PISD: variants seen among roughly 807,000 people sequenced by gnomAD.
PISD encodes the protein phosphatidylserine decarboxylase proenzyme, mitochondrial.
PISD carries 31 observed loss-of-function variants against 43.5 expected under a neutral mutation model. That is an observed-to-expected ratio of 0.71 (90% CI 0.54 to 0.96). The LOEUF (loss-of-function observed/expected upper bound fraction) is 0.96, where lower values mean the gene tolerates loss of function less well. Among genes scored for constraint, PISD ranks in the 40% least tolerant of loss-of-function variants. The pLI is 0.00. For missense variants in PISD, 523 were observed against 548.4 expected (o/e 0.95, Z 0.46); for synonymous variants, 259 against 228.7 (o/e 1.13, Z -1.20).
intron 3 of PISD, chr22:31,628,777 C>G (rs2073043197): frequency 1.0e-6 from 1 of 967,756 alleles, no homozygotes; most frequent in Non-Finnish European, 1.2e-6. Context: ...CAACCATGGC[C>G]CAGAACAACT....
chr22:31,634,809 T>A, intron 3 of PISD, among the ~76,000 whole-genome samples: 1 of 114,096 alleles, frequency 8.8e-6, no homozygotes, highest in African/African-American at 3.5e-5. Flanking sequence ...GCATTCAGCC[T>A]GGGTGACAGA....
chr22:31,631,732 A>AGGG (rs2073213543), intron 3 of PISD, among the ~76,000 whole-genome samples: 1 of 152,202 alleles, frequency 6.6e-6, no homozygotes, highest in African/African-American at 2.4e-5. Context: ...AGGGTCTGAG[A>AGGG]GGGATCACCA....
intron 3 of PISD, among the ~76,000 whole-genome samples, chr22:31,623,069 G>A (rs538726930): frequency 6.1e-4 from 93 of 152,312 alleles, no homozygotes; most frequent in Non-Finnish European, 1.2e-3. Context: ...GTGCCTCAGT[G>A]CCCCTGAGCT....
intron 3 of PISD, among the ~76,000 whole-genome samples, chr22:31,639,430 C>T (rs933398701): frequency 6.6e-6 from 1 of 151,962 alleles, no homozygotes; most frequent in Non-Finnish European, 1.5e-5. Context: ...CAGAGTCTTG[C>T]CTTGCCAGGC....
intron 3 of PISD, among the ~76,000 whole-genome samples, chr22:31,624,484 G>C (rs2072765819): frequency 6.6e-6 from 1 of 152,092 alleles, no homozygotes; most frequent in Admixed American, 6.6e-5. Context: ...AGATCTCAAA[G>C]GGAGCATTTA....
chr22:31,641,518 T>C (rs907140320), intron 3 of PISD, among the ~76,000 whole-genome samples: 1 of 152,074 alleles, frequency 6.6e-6, no homozygotes, highest in African/African-American at 2.4e-5. Context: ...GGGAGACATT[T>C]GAAACTTAGG....
At chr22:31,634,114 C>CT (rs2073321415) in intron 3 of PISD, among the ~76,000 whole-genome samples, 1 of 152,204 alleles carries the variant, frequency 6.6e-6, no homozygotes, top group Non-Finnish European at 1.5e-5. Flanking sequence ...ATTTCATGCA[C>CT]TACTTCTAAG....
rs538583873 is a variant in PISD, at chr22:31,642,852, C to T, written c.321+5249G>A. On this transcript the variant is annotated intron_variant, in intron 3 of 7. Coordinates refer to ENST00000439502, the MANE Select transcript of PISD (RefSeq NM_001326411.2). ...GCGTGGTGGCTCACACCTGTAATCC[C>T]AGCACTTTGGGAGGCTGAGGCGGGC... Among the ~76,000 whole-genome samples, 24 of 149,870 alleles carry T rather than the reference C, an allele frequency of 1.6e-4. 1 individual carries two copies. The South Asian group carries it at 5.1e-3, about 32-fold the overall frequency.
chr22:31,644,136 C>T (rs1437010364), intron 3 of PISD, among the ~76,000 whole-genome samples: 2 of 152,092 alleles, frequency 1.3e-5, no homozygotes, highest in Non-Finnish European at 2.9e-5. Context: ...TTCAAGCTGG[C>T]TTATCATCAG....
intron 3 of PISD, among the ~76,000 whole-genome samples, chr22:31,626,458 G>A (rs531014921): frequency 2.8e-4 from 43 of 152,334 alleles, no homozygotes; most frequent in Middle Eastern, 3.4e-3. Flanking sequence ...GGGAAGCCAC[G>A]AGAGGTGCCC....
chr22:31,649,460 A>G (rs553231324), intron 2 of PISD, among the ~76,000 whole-genome samples: 2 of 152,154 alleles, frequency 1.3e-5, no homozygotes, highest in Non-Finnish European at 2.9e-5. Context: ...CAGGCTGGGC[A>G]TGGTGGCTCA....
Position 31,619,717 on chromosome 22 carries a change from G to T in PISD, c.1125C>A (p.Asn375Lys). The change falls in exon 8 of 8, where the codon AAC becomes AAA. Residue 375 changes from asparagine to lysine, a missense_variant. By Grantham distance (94) the Asn-to-Lys change is moderately conservative. Transcript: ENST00000439502. Reference sequence around the variant, plus strand: ...AGATGAGCACGATGGTGGAGCCCAGGTTGAACTCGCCCAGGTGCTCGCCCT... The same window carrying T: ...AGATGAGCACGATGGTGGAGCCCAGTTTGAACTCGCCCAGGTGCTCGCCCT... ...MRKGEHLGEF[N>K]LGSTIVLIFE... The T allele has an allele frequency of 6.2e-7, 1 of 1,614,224 alleles. No homozygotes were observed. Among genetic ancestry groups the T allele is most frequent in the Non-Finnish European group, 8.5e-7 (1 of 1,180,016 alleles).
intron 1 of PISD, 45 bp downstream of exon 1, chr22:31,662,099 C>T (rs559402327): frequency 2.7e-5 from 42 of 1,546,482 alleles, no homozygotes; most frequent in African/African-American, 2.7e-4. Flanking sequence ...CCAGCTTGGT[C>T]CAGGTTGCCC....
intron 3 of PISD, among the ~76,000 whole-genome samples, chr22:31,644,593 A>G (rs2073831523): frequency 6.6e-6 from 1 of 152,160 alleles, no homozygotes; most frequent in Admixed American, 6.6e-5. Flanking sequence ...CTACATTTGG[A>G]AAATCTCACA....
Position 31,621,079 on chromosome 22 carries a change from C to T in PISD, c.761G>A (p.Cys254Tyr), listed in dbSNP as rs1444749277. ...VTREGNELYH[C>Y]VIYLAPGDYH... ...GTCCCCAGGGGCCAGGTAGATGACA[C>T]AGTGATAGAGCTCATTCCCTTCCCG... The change falls in exon 6 of 8, where the codon TGT becomes TAT. Residue 254 changes from cysteine to tyrosine, a missense_variant. By Grantham distance (194) the Cys-to-Tyr change is radical (BLOSUM62 -2). Transcript: ENST00000439502. 1 of 1,614,128 alleles carries T rather than the reference C, an allele frequency of 6.2e-7. No individual in the cohort carries two copies. Among genetic ancestry groups the T allele is most frequent in the Admixed American group, 1.7e-5 (1 of 60,014 alleles).
chr22:31,651,498 GT>G (rs200289302), intron 1 of PISD, among the ~76,000 whole-genome samples: 1 of 151,906 alleles, frequency 6.6e-6, no homozygotes, highest in African/African-American at 2.4e-5. Context: ...GGCTTTTTGG[GT>G]TTTTTTTGGG....
chr22:31,633,422 A>G (rs1603403784), intron 3 of PISD, among the ~76,000 whole-genome samples: 1 of 152,178 alleles, frequency 6.6e-6, no homozygotes, highest in Non-Finnish European at 1.5e-5. Flanking sequence ...GGGTGTTTAA[A>G]AACCCGTAAA....
intron 3 of PISD, among the ~76,000 whole-genome samples, chr22:31,631,414 C>T (rs1012938331): frequency 3.9e-5 from 6 of 152,244 alleles, no homozygotes; most frequent in African/African-American, 1.4e-4. Flanking sequence ...ACCTTCTGCC[C>T]TCCAGGCACG....
intron 3 of PISD, among the ~76,000 whole-genome samples, chr22:31,635,572 C>T (rs564709840): frequency 2.7e-4 from 41 of 152,314 alleles, no homozygotes; most frequent in African/African-American, 8.7e-4. Flanking sequence ...GCTGGGATTA[C>T]GGGCGTCAGC....
Sources: allele counts gnomAD v4.1 joint callset (sites outside exome capture counted in the v4.1 genomes callset), GRCh38; gene constraint gnomAD v4.1.1; transcripts MANE v1.5; gene names NCBI Gene and HGNC (gene_info 2026-07-23, HGNC 2026-07-21).